The following NCAM2 variants were observed in gnomAD, a reference collection of about 807,000 sequenced individuals.
The protein encoded by NCAM2 is neural cell adhesion molecule 2.
Under a neutral mutation model 98.1 loss-of-function variants are expected in NCAM2, and 30 were observed. The observed-to-expected ratio is 0.31, with a 90% CI of 0.23 to 0.41. The LOEUF is 0.41. Ranked by LOEUF, NCAM2 falls within the 10% of genes least tolerant of loss-of-function variation. NCAM2 has a pLI of 1.00. For missense variants in NCAM2, 867 were observed against 1,005.8 expected (o/e 0.86, Z 1.87); for synonymous variants, 368 against 342.4 (o/e 1.07, Z -0.83).
intron 1 of NCAM2, among the ~76,000 whole-genome samples, chr21:21,159,296 AG>A (rs1404612920): frequency 6.6e-6 from 1 of 152,178 alleles, no homozygotes; most frequent in Non-Finnish European, 1.5e-5. Flanking sequence ...TATTTAAGAA[AG>A]AAAAATGTTT....
intron 5 of NCAM2, among the ~76,000 whole-genome samples, chr21:21,302,756 A>G (rs2073758974): frequency 6.6e-6 from 1 of 152,146 alleles, no homozygotes; most frequent in Non-Finnish European, 1.5e-5. Context: ...CTGGGTATAT[A>G]CCCAAAGGAA....
intron 4 of NCAM2, among the ~76,000 whole-genome samples, chr21:21,287,635 C>A (rs1469090772): frequency 6.6e-6 from 1 of 151,846 alleles, no homozygotes; most frequent in Non-Finnish European, 1.5e-5. Flanking sequence ...TATTGTAAAA[C>A]TTTATTAGTA....
intron 12 of NCAM2, among the ~76,000 whole-genome samples, chr21:21,466,334 C>A (rs1263208422): frequency 4.0e-5 from 6 of 151,844 alleles, no homozygotes; most frequent in South Asian, 4.1e-4. Flanking sequence ...ATTTAACTTT[C>A]TACTTTGAGA....
intron 11 of NCAM2, among the ~76,000 whole-genome samples, chr21:21,423,577 C>A (rs1426624146): frequency 6.6e-6 from 1 of 152,010 alleles, no homozygotes; most frequent in African/African-American, 2.4e-5. Context: ...ATTCATTTGA[C>A]TTTTGTTATT....
intron 1 of NCAM2, among the ~76,000 whole-genome samples, chr21:21,050,245 A>T (rs529666419): frequency 6.6e-6 from 1 of 152,202 alleles, no homozygotes; most frequent in African/African-American, 2.4e-5. Context: ...AAGTGAAAGG[A>T]TTAACTTTCT....
intron 1 of NCAM2, among the ~76,000 whole-genome samples, chr21:21,072,376 A>C (rs919612709): frequency 4.6e-5 from 7 of 152,196 alleles, no homozygotes; most frequent in Admixed American, 1.3e-4. Context: ...TACATCAAAA[A>C]TTAGCTAAGA....
chr21:21,406,675 C>T (rs1416877268), intron 9 of NCAM2, among the ~76,000 whole-genome samples: 1 of 152,158 alleles, frequency 6.6e-6, no homozygotes, highest in Non-Finnish European at 1.5e-5. Flanking sequence ...CTTTTTTCTA[C>T]TCTGCTCAGA....
intron 1 of NCAM2, among the ~76,000 whole-genome samples, chr21:21,050,553 G>A (rs568917380): frequency 6.6e-6 from 1 of 152,188 alleles, no homozygotes; most frequent in East Asian, 1.9e-4. Context: ...AGTTTTAGAT[G>A]TGTATCATTT....
At chr21:21,309,690 T>C (rs1301324432) in intron 5 of NCAM2, among the ~76,000 whole-genome samples, 1 of 152,158 alleles carries the variant, frequency 6.6e-6, no homozygotes, top group Non-Finnish European at 1.5e-5. Flanking sequence ...CTGTGGCCTG[T>C]GAACTATAGC....
At chr21:21,072,309 T>C (rs2065589162) in intron 1 of NCAM2, among the ~76,000 whole-genome samples, 1 of 152,172 alleles carries the variant, frequency 6.6e-6, no homozygotes, top group Admixed American at 6.5e-5. Context: ...TTCTCAGTAA[T>C]ATATTGTAAG....
chr21:21,263,174 A>C (rs2071989939), intron 1 of NCAM2, among the ~76,000 whole-genome samples: 1 of 152,144 alleles, frequency 6.6e-6, no homozygotes, highest in African/African-American at 2.4e-5. Flanking sequence ...ATACAAAATT[A>C]ATGTGCAAAA....
At chr21:21,484,534 A>T (rs1986178864) in intron 15 of NCAM2, among the ~76,000 whole-genome samples, 1 of 152,158 alleles carries the variant, frequency 6.6e-6, no homozygotes, top group Non-Finnish European at 1.5e-5. Flanking sequence ...CTTTCATTAT[A>T]GCCATAAGTT....
intron 1 of NCAM2, among the ~76,000 whole-genome samples, chr21:21,081,114 G>A (rs181199737): frequency 1.5e-4 from 23 of 152,252 alleles, no homozygotes; most frequent in African/African-American, 5.3e-4. Context: ...TGGCCTGCTT[G>A]CGCTTGGGAG....
At chr21:21,140,008 C>T (rs1318171564) in intron 1 of NCAM2, among the ~76,000 whole-genome samples, 1 of 152,066 alleles carries the variant, frequency 6.6e-6, no homozygotes, top group Non-Finnish European at 1.5e-5. Context: ...ATGGTGTCTC[C>T]AAGAATTTAG....
At chr21:21,128,155 A>G (rs548144889) in intron 1 of NCAM2, among the ~76,000 whole-genome samples, 4 of 152,282 alleles carry the variant, frequency 2.6e-5, no homozygotes, top group African/African-American at 9.6e-5. Context: ...TACTCTAGGT[A>G]GGGGACTGTA....
intron 1 of NCAM2, among the ~76,000 whole-genome samples, chr21:21,119,577 T>C (rs1439664252): frequency 6.9e-6 from 1 of 144,388 alleles, no homozygotes; most frequent in African/African-American, 2.6e-5. Flanking sequence ...TATCAACTAA[T>C]TATATGTGTC....
At chr21:21,516,522 T>G (rs1309652835) in intron 16 of NCAM2, among the ~76,000 whole-genome samples, 1 of 152,164 alleles carries the variant, frequency 6.6e-6, no homozygotes, top group Non-Finnish European at 1.5e-5. Flanking sequence ...TCTGAATTTC[T>G]ATGTGCCTAA....
At chr21:21,530,489 T>TTTCC (rs1569142400) in intron 16 of NCAM2, among the ~76,000 whole-genome samples, 3 of 150,592 alleles carry the variant, frequency 2.0e-5, no homozygotes, top group Non-Finnish European at 4.4e-5. Flanking sequence ...TTAATATTTT[T>TTTCC]TTCCTTCCTT....
At chr21:21,263,608 A>G (rs2072008284) in intron 1 of NCAM2, among the ~76,000 whole-genome samples, 1 of 152,188 alleles carries the variant, frequency 6.6e-6, no homozygotes, top group Non-Finnish European at 1.5e-5. Context: ...ACTTCAAACT[A>G]TACCACAAGA....
Sources: gnomAD v4.1 joint callset for allele counts (sites outside exome capture counted in the v4.1 genomes callset) on GRCh38, gnomAD v4.1.1 for gene constraint, MANE v1.5 for transcripts, NCBI Gene and HGNC (gene_info 2026-07-23, HGNC 2026-07-21) for gene names.